The following CCDC180 variants were observed in gnomAD, a reference collection of about 807,000 sequenced individuals.
CCDC180 encodes coiled-coil domain-containing protein 180.
A neutral mutation model predicts 209.2 loss-of-function variants in CCDC180; 154 were observed. The ratio of observed to expected loss-of-function variants is 0.74; its 90% CI spans 0.65 to 0.84. The LOEUF is 0.84. Among genes scored for constraint, CCDC180 ranks in the 40% least tolerant of loss-of-function variants. The pLI is 0.00. For missense variants in CCDC180, 1,874 were observed against 1,997.3 expected (o/e 0.94, Z 1.18); for synonymous variants, 778 against 749.1 (o/e 1.04, Z -0.63).
chr9:97,353,959 C>T (rs925315930), intron 22 of CCDC180, among the ~76,000 whole-genome samples: 2 of 151,400 alleles, frequency 1.3e-5, no homozygotes, highest in Admixed American at 1.3e-4. Context: ...TGCCCACATT[C>T]CAAGCTCCCC....
intron 33 of CCDC180, 88 bp downstream of exon 33, chr9:97,370,866 C>A: frequency 1.5e-6 from 2 of 1,364,286 alleles, no homozygotes; most frequent in South Asian, 3.0e-5. Flanking sequence ...GCAGCCCTTT[C>A]TTGGTATCTT....
Position 97,318,483 on chromosome 9 carries a change from G to A in CCDC180, c.980G>A (p.Ser327Asn), listed in dbSNP as rs560335840. ...QSFSEFMASE[S>N]IHTPPAVTKE... Reference sequence around the variant, plus strand: ...ACCAGTGAGTTCATGGCCAGTGAGAGTATCCATACTCCCCCGGCTGTGACG... The same window carrying A: ...ACCAGTGAGTTCATGGCCAGTGAGAATATCCATACTCCCCCGGCTGTGACG... Residue 327 changes from serine to asparagine, a missense_variant, in exon 10 of 37, where the codon AGT (serine) becomes AAT (asparagine). Transcript: ENST00000529487. The A allele has an allele frequency of 3.1e-6, 5 of 1,613,692 alleles. No individual in the cohort carries two copies. The African/African-American group carries it at 6.7e-5, about 22-fold the overall frequency.
At chr9:97,362,513 G>A in intron 28 of CCDC180, 72 bp downstream of exon 28, 8 of 1,549,918 alleles carry the variant, frequency 5.2e-6, no homozygotes, top group Non-Finnish European at 7.0e-6. Context: ...GATGACCTAT[G>A]GCTTTCCCAG....
chr9:97,374,627 C>T lies in CCDC180; in HGVS notation c.4685C>T (p.Pro1562Leu), dbSNP rs780311435. ...TCCCTGAAGGAAGAGAGTGAGAAAC[C>T]CCTGATTGAACGTGGAAGCAGGTGA... The part of the protein sequence containing the change: ...GLSLKEESEK[P>L]LIERGSRKWP... Residue 1562 changes from proline (P) to leucine (L), a missense_variant, in exon 35 of 37, where the codon CCC becomes CTC. By Grantham distance (98) the Pro-to-Leu change is moderately conservative (BLOSUM62 -3). Transcript: ENST00000529487. 3 of 1,613,932 alleles carry T rather than the reference C, an allele frequency of 1.9e-6. No homozygotes were observed. Among genetic ancestry groups the T allele is most frequent in the Non-Finnish European group, 1.7e-6 (2 of 1,179,944 alleles).
chr9:97,365,510 T>C, intron 29 of CCDC180, 163 bp from the exon 30 acceptor site: 3 of 651,712 alleles, frequency 4.6e-6, no homozygotes, highest in South Asian at 3.6e-5. Flanking sequence ...GCTGCTGTTA[T>C]GGAGTGGAAT....
intron 18 of CCDC180, among the ~76,000 whole-genome samples, chr9:97,336,822 G>A (rs1257455133): frequency 3.3e-5 from 5 of 152,074 alleles, no homozygotes; most frequent in African/African-American, 9.7e-5. Context: ...ATTTGTTTGT[G>A]TCCTCTTTTA....
At chr9:97,323,613 C>T (rs1833428082) in intron 12 of CCDC180, among the ~76,000 whole-genome samples, 168 bp from the exon 13 acceptor site, 1 of 152,220 alleles carries the variant, frequency 6.6e-6, no homozygotes, top group African/African-American at 2.4e-5. Flanking sequence ...CTCCAGCCAG[C>T]TTATGCCTGG....
At chr9:97,319,744 TAAA>T (rs1331171846) in intron 10 of CCDC180, among the ~76,000 whole-genome samples, 3 of 152,234 alleles carry the variant, frequency 2.0e-5, no homozygotes, top group African/African-American at 7.2e-5. Context: ...TGAAGGTTTT[TAAA>T]TCATCATGTG....
chr9:97,326,628 C>T lies in CCDC180; in HGVS notation c.1620C>T (p.His540=), dbSNP rs1833542317. 1.2e-6 allele frequency: 2 copies of T among 1,613,754 alleles called. No homozygotes were observed. Among genetic ancestry groups the T allele is most frequent in the Non-Finnish European group, 1.7e-6 (2 of 1,179,694 alleles). ...GTGACAAAGAAACACTGGCGTTTCA[C>T]CTGGAAAAGGTCAAAGATTATCTGA... is the stretch of plus-strand genomic sequence containing the variant. The part of the protein sequence containing the change: ...QQSDKETLAF[H]LEKVKDYLKN... The change falls in exon 15 of 37, where the codon CAC becomes CAT. Residue 540 remains histidine, a synonymous_variant. Transcript: ENST00000529487.
At chr9:97,319,155 G>C (rs962187839) in intron 10 of CCDC180, among the ~76,000 whole-genome samples, 3 of 152,116 alleles carry the variant, frequency 2.0e-5, no homozygotes, top group Admixed American at 6.5e-5. Flanking sequence ...GAGGTGAGGG[G>C]AAGAAGCACA....
intron 22 of CCDC180, among the ~76,000 whole-genome samples, chr9:97,352,977 A>G (rs1411673918): frequency 6.8e-6 from 1 of 148,048 alleles, no homozygotes. Flanking sequence ...ACACATATAC[A>G]TATATATATA....
rs779201185 is a variant in CCDC180, at chr9:97,354,717, G to C, written c.3147+4G>C. 1 of 1,614,174 alleles carries C rather than the reference G, an allele frequency of 6.2e-7. No individual in the cohort carries two copies. Among genetic ancestry groups the C allele is most frequent in the East Asian group, 2.2e-5 (1 of 44,884 alleles). On this transcript the variant is annotated splice_donor_region_variant and intron_variant, in intron 23 of 36. Transcript: ENST00000529487. ...GGAGAATGAGTACCTGGACCAGGTAGGGCCCCCAGCCAGGCCCCAGGCCAA... is the reference window on the plus strand; with the variant it reads ...GGAGAATGAGTACCTGGACCAGGTACGGCCCCCAGCCAGGCCCCAGGCCAA...
rs1437043688 is a variant in CCDC180 at position 97,377,075 on chromosome 9, CT to C, written c.*183del. 1 of 533,556 alleles carries C rather than the reference CT, an allele frequency of 1.9e-6. No individual in the cohort carries two copies. The highest frequency in any genetic ancestry group is 3.8e-5 in the East Asian group (1 of 26,560). The allele number at this position is 533,556 out of a possible 1,614,324, so 33.1% of individuals were successfully genotyped here. On this transcript the variant is annotated 3_prime_UTR_variant, in exon 37 of 37. Coordinates refer to ENST00000529487, the MANE Select transcript of CCDC180 (RefSeq NM_020893.6). ...ATGGTCCCTGCCCACGTGGAGCCCT[CT>C]TCCCATGAGGAAGGCAAGCATGAAA... is the stretch of plus-strand genomic sequence containing the variant.
chr9:97,316,761 C>T (rs1833186672), intron 8 of CCDC180, among the ~76,000 whole-genome samples: 1 of 152,222 alleles, frequency 6.6e-6, no homozygotes, highest in Non-Finnish European at 1.5e-5. Context: ...CACTGAGTGC[C>T]TGCCTCCTTT....
At chr9:97,310,618 G>C (rs1306343541) in intron 3 of CCDC180, among the ~76,000 whole-genome samples, 1 of 152,146 alleles carries the variant, frequency 6.6e-6, no homozygotes, top group African/African-American at 2.4e-5. Flanking sequence ...ATAAACCCTT[G>C]CTGGGCCTGG....
chr9:97,312,181 G>T lies in CCDC180; in HGVS notation c.329G>T (p.Arg110Leu). The change falls in exon 4 of 37, where the codon CGG becomes CTG. Residue 110 changes from arginine to leucine, a missense_variant. Arg to Leu is a moderately radical substitution (Grantham distance 102). Transcript: ENST00000529487. ...AACACCATCGCTGCCCGAGAAGTGCGGGGTCTCATGGATACTATAGGTGAG... is the reference window on the plus strand; with the variant it reads ...AACACCATCGCTGCCCGAGAAGTGCTGGGTCTCATGGATACTATAGGTGAG... ...SENTIAAREV[R>L]GLMDTIVPEK... The T allele has an allele frequency of 6.2e-7, 1 of 1,613,942 alleles. No homozygotes were observed. The highest frequency in any genetic ancestry group is 2.2e-5 in the East Asian group (1 of 44,876).
At chr9:97,353,551 A>T (rs1826482661) in intron 22 of CCDC180, among the ~76,000 whole-genome samples, 1 of 152,038 alleles carries the variant, frequency 6.6e-6, no homozygotes, top group African/African-American at 2.4e-5. Flanking sequence ...TTGGGACTTT[A>T]TGGGTGGCAT....
chr9:97,363,821 T>C (rs1292335671), intron 28 of CCDC180: 2 of 578,520 alleles, frequency 3.5e-6, no homozygotes, highest in Admixed American at 2.9e-5. Flanking sequence ...TCACAGCAGC[T>C]GTGGTTGGGT....
At position 97,354,671 on chromosome 9, in the gene CCDC180, C is replaced by T; in HGVS notation, c.3105C>T (p.Ile1035=). 1 of 1,614,250 alleles carries T rather than the reference C, an allele frequency of 6.2e-7. No homozygotes were observed. The highest frequency in any genetic ancestry group is 8.5e-7 in the Non-Finnish European group (1 of 1,180,042). ...GGATAGAGTTGGTTGAAAGTGTCAT[C>T]ATGCTCAACATGGAGAAGTTGGAGA... ...AARIELVESV[I]MLNMEKLENE... Residue 1035 remains isoleucine, a synonymous_variant, in exon 23 of 37, where the codon ATC becomes ATT. Transcript: ENST00000529487.
Sources: gnomAD v4.1 joint callset for allele counts (sites outside exome capture counted in the v4.1 genomes callset) on GRCh38, gnomAD v4.1.1 for gene constraint, MANE v1.5 for transcripts, NCBI Gene and HGNC (gene_info 2026-07-23, HGNC 2026-07-21) for gene names.